Variants in MGAT5 observed in about 807,000 individuals in gnomAD.
MGAT5 encodes alpha-1,6-mannosylglycoprotein 6-beta-N-acetylglucosaminyltransferase A.
Under a neutral mutation model 94.3 loss-of-function variants are expected in MGAT5, and 30 were observed. That is an observed-to-expected ratio of 0.32 (90% CI 0.24 to 0.43). The LOEUF (loss-of-function observed/expected upper bound fraction) is 0.43. Ranked by LOEUF, MGAT5 falls within the 20% of genes least tolerant of loss-of-function variation. MGAT5 has a pLI of 1.00. For missense variants in MGAT5, 691 were observed against 905.5 expected, an observed-to-expected ratio of 0.76 and a Z score of 3.04; for synonymous variants, 310 against 322.9, an observed-to-expected ratio of 0.96 and a Z score of 0.43.
At chr2:134,177,522 A>T (rs1688537313) in intron 1 of MGAT5, among the ~76,000 whole-genome samples, 1 of 152,250 alleles carries the variant, frequency 6.6e-6, no homozygotes, top group South Asian at 2.1e-4. Context: ...GAAGATGACA[A>T]GAGTGCGGAT....
chr2:134,351,341 A>C (rs72978201), intron 9 of MGAT5, among the ~76,000 whole-genome samples: 7,148 of 152,186 alleles, frequency 0.047, 512 homozygotes, highest in African/African-American at 0.15. Flanking sequence ...ATGGCACAGA[A>C]TAGCCTAAGA....
chr2:134,176,952 C>T (rs1052070668), intron 1 of MGAT5, among the ~76,000 whole-genome samples: 2 of 152,148 alleles, frequency 1.3e-5, no homozygotes, highest in Non-Finnish European at 2.9e-5. Context: ...GGTCTCCCGA[C>T]AGGACATGTG....
At chr2:134,357,153 A>G (rs936891878) in intron 9 of MGAT5, among the ~76,000 whole-genome samples, 2 of 152,216 alleles carry the variant, frequency 1.3e-5, no homozygotes, top group African/African-American at 4.8e-5. Flanking sequence ...AATGAACAAT[A>G]TTGCCTATTA....
chr2:134,381,355 ATAGATAGATAGATAAGATAAGATAGAT>A (rs200637410), intron 10 of MGAT5, among the ~76,000 whole-genome samples: 147 of 84,924 alleles, frequency 1.7e-3, no homozygotes, highest in African/African-American at 4.7e-3. Context: ...AGATAGATAG[ATAGATAGATAGATAAGATAAGATAGAT>A]TAGATAGATA....
chr2:134,323,757 C>T lies in MGAT5; in HGVS notation c.573+5018C>T, dbSNP rs191414557. On this transcript the variant is annotated intron_variant, in intron 4 of 15. Coordinates refer to ENST00000281923, the MANE Select transcript of MGAT5 (RefSeq NM_002410.5). The stretch of plus-strand genomic sequence containing the variant: ...AATACTCCATAATTTCGATACCCTA[C>T]GCCTCCAAAAAAACACAAACTCTCT... Among the ~76,000 whole-genome samples the T allele has an allele frequency of 4.1e-3, 628 of 152,180 alleles. 2 individuals are homozygous for T. Among genetic ancestry groups the T allele is most frequent in the Middle Eastern group, 0.027 (8 of 294 alleles).
intron 5 of MGAT5, 119 bp from the exon 6 acceptor site, chr2:134,338,140 T>G: frequency 1.2e-6 from 1 of 842,100 alleles, no homozygotes; most frequent in Non-Finnish European, 1.8e-6. Context: ...CAAGACTTAC[T>G]TTTGAAGCTC....
chr2:134,292,440 A>G (rs990169134), intron 2 of MGAT5, among the ~76,000 whole-genome samples: 6 of 152,124 alleles, frequency 3.9e-5, no homozygotes, highest in East Asian at 1.9e-4. Flanking sequence ...ACTCTCTTCA[A>G]TCCGACAGGG....
At position 134,221,051 on chromosome 2, in the gene MGAT5, A is replaced by G. The variant is rs575591120; in HGVS notation, c.-142-33211A>G. ...ACAGTTGAGAGCCCCACTCTTTCTT[A>G]TGTGATTTTTAAGAAAATGTGGGTG... On this transcript the variant is annotated intron_variant, in intron 1 of 16. Coordinates refer to the MGAT5 transcript ENST00000409645. 9.2e-5 allele frequency among the ~76,000 whole-genome samples: 14 copies of G among 152,150 alleles called. 1 individual carries two copies. In the South Asian group the frequency reaches 2.9e-3, roughly 32 times the overall value.
intron 1 of MGAT5, among the ~76,000 whole-genome samples, chr2:134,218,168 C>CT (rs1055879626): frequency 6.6e-6 from 1 of 152,190 alleles, no homozygotes; most frequent in South Asian, 2.1e-4. Flanking sequence ...TTCAGAAATA[C>CT]TTTGTGCAAA....
intron 10 of MGAT5, among the ~76,000 whole-genome samples, chr2:134,369,126 G>A (rs1481056250): frequency 6.6e-6 from 1 of 152,200 alleles, no homozygotes; most frequent in Non-Finnish European, 1.5e-5. Flanking sequence ...CACGTGGTAG[G>A]CACTCGGAAA....
chr2:134,136,456 A>G (rs993820936), intron 1 of MGAT5, among the ~76,000 whole-genome samples: 1 of 152,128 alleles, frequency 6.6e-6, no homozygotes, highest in Non-Finnish European at 1.5e-5. Flanking sequence ...AATCCCAGCT[A>G]CTAGGGTGGC....
At chr2:134,215,082 T>C (rs569508575) in intron 1 of MGAT5, among the ~76,000 whole-genome samples, 7 of 152,358 alleles carry the variant, frequency 4.6e-5, no homozygotes, top group African/African-American at 1.7e-4. Context: ...GTGAAATTCA[T>C]GTATATTGTT....
intron 11 of MGAT5, among the ~76,000 whole-genome samples, chr2:134,410,522 TTTTTA>T (rs1683588671): frequency 1.3e-5 from 2 of 152,180 alleles, no homozygotes; most frequent in African/African-American, 4.8e-5. Context: ...GTTAATAAAG[TTTTTA>T]TTTTATGTGT....
At chr2:134,402,377 C>A (rs1054523216) in intron 10 of MGAT5, among the ~76,000 whole-genome samples, 1 of 152,108 alleles carries the variant, frequency 6.6e-6, no homozygotes, top group South Asian at 2.1e-4. Context: ...TCTCTTTTTT[C>A]TACTTTTATC....
At chr2:134,235,200 G>T (rs905144151) in intron 1 of MGAT5, among the ~76,000 whole-genome samples, 1 of 151,988 alleles carries the variant, frequency 6.6e-6, no homozygotes, top group Non-Finnish European at 1.5e-5. Context: ...CCCCTGCCAT[G>T]CTCCCCGACC....
intron 1 of MGAT5, among the ~76,000 whole-genome samples, chr2:134,136,693 G>T (rs1034064457): frequency 1.3e-5 from 2 of 152,118 alleles, no homozygotes; most frequent in African/African-American, 4.8e-5. Context: ...GTCTTTCTGA[G>T]AAGGAGTCCA....
intron 14 of MGAT5, among the ~76,000 whole-genome samples, chr2:134,436,235 A>G (rs1332857656): frequency 6.6e-6 from 1 of 152,178 alleles, no homozygotes; most frequent in Non-Finnish European, 1.5e-5. Flanking sequence ...CACAGCTGGG[A>G]GCCAGAATCC....
intron 2 of MGAT5, among the ~76,000 whole-genome samples, chr2:134,304,343 T>C (rs1400996092): frequency 6.6e-6 from 1 of 152,180 alleles, no homozygotes; most frequent in African/African-American, 2.4e-5. Context: ...GACTGCACTT[T>C]ATTCTGGATA....
intron 10 of MGAT5, among the ~76,000 whole-genome samples, chr2:134,381,382 T>TAGATAGATAGA (rs1553457734): frequency 9.2e-6 from 1 of 108,510 alleles, no homozygotes; most frequent in African/African-American, 3.3e-5. Flanking sequence ...ATAAGATAGA[T>TAGATAGATAGA]TAGATAGATA....
Sources: allele counts gnomAD v4.1 joint callset (sites outside exome capture counted in the v4.1 genomes callset), GRCh38; gene constraint gnomAD v4.1.1; transcripts MANE v1.5; gene names NCBI Gene and HGNC (gene_info 2026-07-23, HGNC 2026-07-21).